Variants in ALOX5 observed in about 807,000 individuals in gnomAD.
ALOX5 encodes the protein arachidonate 5-lipoxygenase.
In ALOX5, 64 loss-of-function variants were observed where a neutral mutation model predicts 87.9. That is an observed-to-expected ratio of 0.73 (90% confidence interval 0.60 to 0.90). The LOEUF (loss-of-function observed/expected upper bound fraction) is 0.90. ALOX5 is among the 40% of genes least tolerant of loss of function. The pLI, the probability that ALOX5 is intolerant of heterozygous loss-of-function variation, is 0.00. For missense variants in ALOX5, 822 were observed against 907.5 expected (o/e 0.91, Z 1.21); for synonymous variants, 388 against 355.1 (o/e 1.09, Z -1.04).
intron 1 of ALOX5, among the ~76,000 whole-genome samples, chr10:45,380,009 C>T (rs1179349874): frequency 1.3e-5 from 2 of 152,136 alleles, no homozygotes; most frequent in Non-Finnish European, 2.9e-5. Flanking sequence ...GTGGGGCAGG[C>T]CCGACGCGTA....
intron 7 of ALOX5, among the ~76,000 whole-genome samples, chr10:45,435,855 A>C (rs1252238754): frequency 6.6e-6 from 1 of 152,194 alleles, no homozygotes; most frequent in Non-Finnish European, 1.5e-5. Flanking sequence ...CAAAATCTCC[A>C]AACTGCTTTC....
chr10:45,424,943 C>T lies in ALOX5; in HGVS notation c.662-17C>T, dbSNP rs1384457412. ...TCTACTCAGAGCTCAGGGTGGGCCT[C>T]GCTTTTCTCCTGGTAGAGCGGGTCA... On this transcript the variant is annotated splice_polypyrimidine_tract_variant and intron_variant, in intron 5 of 13. Transcript: ENST00000374391. The T allele has an allele frequency of 6.2e-6, 10 of 1,613,768 alleles. No homozygotes were observed. Among genetic ancestry groups the T allele is most frequent in the East Asian group, 2.2e-5 (1 of 44,874 alleles).
intron 12 of ALOX5, 60 bp downstream of exon 12, chr10:45,443,888 C>T (rs1228803609): frequency 2.0e-6 from 3 of 1,525,644 alleles, no homozygotes; most frequent in Non-Finnish European, 8.9e-7. Flanking sequence ...CCTCCTCCCC[C>T]GCCCCGGTTC....
chr10:45,435,925 G>T (rs1346820759), intron 7 of ALOX5, among the ~76,000 whole-genome samples: 1 of 152,184 alleles, frequency 6.6e-6, no homozygotes, highest in Non-Finnish European at 1.5e-5. Flanking sequence ...CCTTTTGTCT[G>T]CATCCTGCCA....
intron 6 of ALOX5, among the ~76,000 whole-genome samples, chr10:45,426,228 A>G (rs1276636679): frequency 6.6e-6 from 1 of 152,238 alleles, no homozygotes; most frequent in African/African-American, 2.4e-5. Flanking sequence ...GAATCCTAGA[A>G]TTGGAAGACT....
In ALOX5 at chr10:45,443,790, A is replaced by T; in HGVS notation, c.1636A>T (p.Thr546Ser). 1 of 1,611,506 alleles carries T rather than the reference A, an allele frequency of 6.2e-7. No individual in the cohort carries two copies. Among genetic ancestry groups the T allele is most frequent in the Non-Finnish European group, 8.5e-7 (1 of 1,179,086 alleles). ...GGAGTACCTGACCGTGGTGATCTTC[A>T]CCGCCTCCGCCCAGCACGCCGCGGT... ...LSEYLTVVIF[T>S]ASAQHAAVNF... The change falls in exon 12 of 14, where the codon ACC becomes TCC. Residue 546 changes from threonine to serine, a missense_variant. Coordinates refer to ENST00000374391, the MANE Select transcript of ALOX5 (RefSeq NM_000698.5).
At chr10:45,420,763 C>G (rs1432439239) in intron 4 of ALOX5, among the ~76,000 whole-genome samples, 1 of 152,256 alleles carries the variant, frequency 6.6e-6, no homozygotes, top group Non-Finnish European at 1.5e-5. Flanking sequence ...CACAGCACAA[C>G]TGTGGCGTAA....
At chr10:45,395,258 A>G (rs1283461047) in intron 2 of ALOX5, among the ~76,000 whole-genome samples, 2 of 152,230 alleles carry the variant, frequency 1.3e-5, no homozygotes, top group African/African-American at 4.8e-5. Context: ...CATATACACC[A>G]TGGAATACTA....
chr10:45,391,555 T>C (rs1393234476), intron 2 of ALOX5, among the ~76,000 whole-genome samples: 1 of 149,084 alleles, frequency 6.7e-6, no homozygotes, highest in Non-Finnish European at 1.5e-5. Context: ...TGGCCACCCA[T>C]CGTCTGGGAT....
chr10:45,375,992 C>T (rs1171697151), intron 1 of ALOX5, among the ~76,000 whole-genome samples: 3 of 152,192 alleles, frequency 2.0e-5, no homozygotes, highest in African/African-American at 7.2e-5. Context: ...AGGCTACTTC[C>T]CCTTTGTAAG....
chr10:45,406,400 A>G (rs564022442), intron 3 of ALOX5, among the ~76,000 whole-genome samples: 34 of 152,318 alleles, frequency 2.2e-4, no homozygotes, highest in Admixed American at 2.0e-3. Context: ...TGTCTGTTAC[A>G]TATCTCACTG....
At chr10:45,409,703 G>C (rs991403358) in intron 3 of ALOX5, among the ~76,000 whole-genome samples, 1 of 151,780 alleles carries the variant, frequency 6.6e-6, no homozygotes, top group Non-Finnish European at 1.5e-5. Flanking sequence ...TGTTCCACTT[G>C]GTCTTCCTCA....
At chr10:45,444,345 G>C in intron 13 of ALOX5, 59 bp downstream of exon 13, 2 of 1,484,574 alleles carry the variant, frequency 1.3e-6, no homozygotes, top group East Asian at 2.5e-5. Flanking sequence ...CGGTTCCTCA[G>C]CCTCAGGGCT....
At chr10:45,412,684 C>T (rs1165444446) in intron 4 of ALOX5, among the ~76,000 whole-genome samples, 1 of 152,172 alleles carries the variant, frequency 6.6e-6, no homozygotes, top group Non-Finnish European at 1.5e-5. Flanking sequence ...GTAAGAATGG[C>T]CAAATTGCCA....
intron 3 of ALOX5, among the ~76,000 whole-genome samples, chr10:45,400,191 T>A (rs1840650276): frequency 6.6e-6 from 1 of 152,220 alleles, no homozygotes; most frequent in Non-Finnish European, 1.5e-5. Flanking sequence ...ACACACATAT[T>A]TATAGCACCA....
chr10:45,421,738 T>C (rs1841515740), intron 4 of ALOX5, among the ~76,000 whole-genome samples: 1 of 152,218 alleles, frequency 6.6e-6, no homozygotes. Flanking sequence ...CACAAGGGGC[T>C]GGATCCAAGT....
chr10:45,401,279 T>C lies in ALOX5; in HGVS notation c.431+5343T>C, dbSNP rs73283155. 2.0e-3 allele frequency among the ~76,000 whole-genome samples: 298 copies of C among 152,310 alleles called. 1 individual carries two copies. The highest frequency in any genetic ancestry group is 7.0e-3 in the African/African-American group (290 of 41,566). The stretch of plus-strand genomic sequence containing the variant: ...GTGGAGGGGCCTTTGGGAGCCAATA[T>C]TGTGATACTTTTCTACATATCCCTC... On this transcript the variant is annotated intron_variant, in intron 3 of 13. Transcript: ENST00000374391.
At chr10:45,379,100 G>A (rs958566237) in intron 1 of ALOX5, among the ~76,000 whole-genome samples, 11 of 152,040 alleles carry the variant, frequency 7.2e-5, no homozygotes, top group African/African-American at 2.2e-4. Flanking sequence ...CGTGTGGGTC[G>A]TCACCCCCAG....
intron 3 of ALOX5, among the ~76,000 whole-genome samples, chr10:45,401,063 C>T (rs965495780): frequency 6.6e-6 from 1 of 152,142 alleles, no homozygotes; most frequent in Admixed American, 6.5e-5. Flanking sequence ...TTTGATGGAT[C>T]ATTATTGACT....
Sources: allele counts gnomAD v4.1 joint callset (sites outside exome capture counted in the v4.1 genomes callset), GRCh38; gene constraint gnomAD v4.1.1; transcripts MANE v1.5; gene names NCBI Gene and HGNC (gene_info 2026-07-23, HGNC 2026-07-21).